Variants in EIF5B observed in about 807,000 individuals in gnomAD.
EIF5B encodes eukaryotic translation initiation factor 5B, also known as eIF-5B.
Under a neutral mutation model 147.5 loss-of-function variants are expected in EIF5B, and 47 were observed. The observed-to-expected ratio is 0.32, with a 90% CI of 0.25 to 0.41. The LOEUF (loss-of-function observed/expected upper bound fraction) is 0.41, where lower values mean the gene tolerates loss of function less well. EIF5B is among the 10% of genes least tolerant of loss of function. EIF5B has a pLI of 1.00. For missense variants in EIF5B, 1,064 were observed against 1,413.2 expected, an observed-to-expected ratio of 0.75 and a Z score of 3.96; for synonymous variants, 455 against 456.2, an observed-to-expected ratio of 1.00 and a Z score of 0.03.
At chr2:99,345,409 A>G (rs2094270483) in intron 1 of EIF5B, among the ~76,000 whole-genome samples, 1 of 152,084 alleles carries the variant, frequency 6.6e-6, no homozygotes, top group Non-Finnish European at 1.5e-5. Context: ...CCTGGCCAAC[A>G]TAGCAAAACC....
Position 99,394,385 on chromosome 2 carries a change from C to A in EIF5B, c.2999C>A (p.Thr1000Lys). 6.2e-7 allele frequency: 1 copy of A among 1,613,912 alleles called. No individual in the cohort carries two copies. The highest frequency in any genetic ancestry group is 8.5e-7 in the Non-Finnish European group (1 of 1,179,986). The change falls in exon 19 of 24, where the codon ACA (threonine) becomes AAA (lysine). Residue 1000 changes from threonine (T) to lysine (K), a missense_variant. Thr to Lys is a moderately conservative substitution (Grantham distance 78, BLOSUM62 -1). Transcript: ENST00000289371. The part of the protein sequence containing the change: ...SLEALLEFLK[T>K]SEVPYAGINI... ...GAAGCTCTACTGGAATTTCTGAAAA[C>A]ATCAGAAGTGCCCGTAAGTAACTAC...
At chr2:99,352,999 C>CTTT (rs1674007835) in intron 1 of EIF5B, among the ~76,000 whole-genome samples, 1 of 85,098 alleles carries the variant, frequency 1.2e-5, no homozygotes, top group African/African-American at 4.0e-5. Context: ...ATTTTTTCTT[C>CTTT]TTCTTCTTTT....
At chr2:99,358,666 G>T (rs976252858) in intron 1 of EIF5B, among the ~76,000 whole-genome samples, 8 of 152,158 alleles carry the variant, frequency 5.3e-5, no homozygotes, top group Non-Finnish European at 1.0e-4. Flanking sequence ...GGGTGGTTCA[G>T]ATGCCTTTTG....
chr2:99,359,494 C>T (rs956449927), intron 1 of EIF5B, among the ~76,000 whole-genome samples: 2 of 152,124 alleles, frequency 1.3e-5, no homozygotes, highest in South Asian at 4.1e-4. Context: ...ATTCATCTGC[C>T]TTTGCTACTT....
intron 14 of EIF5B, among the ~76,000 whole-genome samples, chr2:99,388,880 T>G (rs1674865334): frequency 6.6e-6 from 1 of 152,208 alleles, no homozygotes; most frequent in Non-Finnish European, 1.5e-5. Flanking sequence ...GTGCAGGAAT[T>G]GGATTATTTC....
At chr2:99,340,523 T>G (rs934016972) in intron 1 of EIF5B, 1 of 152,214 alleles carries the variant, frequency 6.6e-6, no homozygotes, top group African/African-American at 2.4e-5. Context: ...AGAGAAGGCA[T>G]GGAGCCACTT....
chr2:99,369,561 A>T, intron 8 of EIF5B, 80 bp downstream of exon 8: 1 of 1,202,016 alleles, frequency 8.3e-7, no homozygotes, highest in Non-Finnish European at 1.2e-6. Context: ...CTTAGTTATT[A>T]TAAATAATTG....
At chr2:99,365,462 AG>A (rs761874634) in intron 6 of EIF5B, among the ~76,000 whole-genome samples, 3 of 152,226 alleles carry the variant, frequency 2.0e-5, no homozygotes, top group Non-Finnish European at 4.4e-5. Context: ...TGGAGAATAT[AG>A]CTTTTGTAAA....
chr2:99,354,925 C>T lies in EIF5B; in HGVS notation c.36-5311C>T, dbSNP rs1027352785. Among the ~76,000 whole-genome samples the T allele has an allele frequency of 2.0e-5, 3 of 151,210 alleles. No individual in the cohort carries two copies. The Admixed American group carries it at 2.0e-4, about 10-fold the overall frequency. Reference sequence around the variant, plus strand: ...TCAAGAGATTCTCCTGCTTCAGCCTCCTGAGTAGCTGGGATTACAGGCACC... The same window carrying T: ...TCAAGAGATTCTCCTGCTTCAGCCTTCTGAGTAGCTGGGATTACAGGCACC... On this transcript the variant is annotated intron_variant, in intron 1 of 23. Coordinates refer to ENST00000289371, the MANE Select transcript of EIF5B (RefSeq NM_015904.4).
At chr2:99,372,247 T>C (rs1029771783) in intron 9 of EIF5B, among the ~76,000 whole-genome samples, 6 of 152,358 alleles carry the variant, frequency 3.9e-5, no homozygotes, top group Admixed American at 1.3e-4. Context: ...ACCTTTTTCT[T>C]TAAGCATGGC....
intron 9 of EIF5B, among the ~76,000 whole-genome samples, chr2:99,374,676 A>G (rs1327043603): frequency 2.6e-5 from 4 of 152,236 alleles, no homozygotes; most frequent in Admixed American, 6.5e-5. Flanking sequence ...GAAGTCAGGT[A>G]TCAGCCTAAA....
At chr2:99,390,515 G>A in intron 16 of EIF5B, 29 bp from the exon 17 acceptor site, 1 of 1,599,716 alleles carries the variant, frequency 6.3e-7, no homozygotes, top group South Asian at 1.1e-5. Context: ...TTGTATGTAT[G>A]TCTTTCTCTT....
chr2:99,364,155 A>C, intron 5 of EIF5B, 116 bp from the exon 6 acceptor site: 2 of 1,372,054 alleles, frequency 1.5e-6, no homozygotes, highest in Non-Finnish European at 2.0e-6. Flanking sequence ...GGAATCTCCT[A>C]ACATAATACT....
intron 10 of EIF5B, among the ~76,000 whole-genome samples, chr2:99,378,804 T>A (rs1210838839): frequency 1.3e-5 from 2 of 152,210 alleles, no homozygotes; most frequent in Non-Finnish European, 2.9e-5. Flanking sequence ...GCAGTGCTGC[T>A]GTGAAATCTA....
intron 7 of EIF5B, 72 bp downstream of exon 7, chr2:99,368,663 G>A: frequency 3.3e-6 from 4 of 1,212,818 alleles, no homozygotes; most frequent in East Asian, 2.4e-5. Flanking sequence ...TCAAAACAGT[G>A]TCTGTAAAGA....
intron 17 of EIF5B, among the ~76,000 whole-genome samples, chr2:99,391,746 T>G (rs1674935638): frequency 6.6e-6 from 1 of 151,252 alleles, no homozygotes; most frequent in South Asian, 2.1e-4. Context: ...TTTTTTTTTT[T>G]TTGGTGATAG....
At position 99,376,613 on chromosome 2, in the gene EIF5B, G is replaced by A. The variant is rs747249456; in HGVS notation, c.1819G>A (p.Asp607Asn). The change falls in exon 10 of 24, where the codon GAC (aspartate) becomes AAC (asparagine). Residue 607 changes from aspartate (D) to asparagine (N), a missense_variant. Around this residue, in one of 4 missense-constraint regions of EIF5B, gnomAD observed 195 missense variants for 186.3 expected, o/e 1.05. Transcript: ENST00000289371. ...DDRTKEERAY[D>N]KAKRRIEKRR... ...TCGGACTAAAGAAGAAAGGGCTTAT[G>A]ACAAAGCAAAACGGAGGATTGAGGT... 1 of 1,605,866 alleles carries A rather than the reference G, an allele frequency of 6.2e-7. No individual in the cohort carries two copies. Among genetic ancestry groups the A allele is most frequent in the Non-Finnish European group, 8.5e-7 (1 of 1,177,184 alleles).
intron 9 of EIF5B, among the ~76,000 whole-genome samples, chr2:99,373,496 TGA>T (rs1197229345): frequency 6.6e-6 from 1 of 152,188 alleles, no homozygotes; most frequent in African/African-American, 2.4e-5. Context: ...AATCCATTTA[TGA>T]GAGTGACTTA....
intron 4 of EIF5B, among the ~76,000 whole-genome samples, chr2:99,363,293 T>C (rs1674258372): frequency 1.3e-5 from 2 of 152,204 alleles, no homozygotes; most frequent in Non-Finnish European, 2.9e-5. Context: ...TTGTTAGAAC[T>C]TCATATAAGC....
Sources: allele counts gnomAD v4.1 joint callset (sites outside exome capture counted in the v4.1 genomes callset), GRCh38; gene constraint gnomAD v4.1.1; regional missense constraint gnomAD v4.1.1; transcripts MANE v1.5; gene names NCBI Gene and HGNC (gene_info 2026-07-23, HGNC 2026-07-21).